XCR1: variants seen among roughly 807,000 people sequenced by gnomAD.
XCR1 encodes the protein X-C motif chemokine receptor 1, also known as chemokine XC receptor 1.
For synonymous variants in XCR1, 187 were observed against 188.5 expected (o/e 0.99, Z 0.06); for missense variants, 356 against 424.2 (o/e 0.84, Z 1.41).
chr3:46,043,966 A>C (rs573886415), intron 5 of XCR1, among the ~76,000 whole-genome samples: 2 of 152,038 alleles, frequency 1.3e-5, no homozygotes, highest in African/African-American at 2.4e-5. Flanking sequence ...GTGGGTATGA[A>C]GTGGTACCCC....
At chr3:46,085,086 C>T (rs1227695849) in intron 1 of XCR1, among the ~76,000 whole-genome samples, 1 of 151,998 alleles carries the variant, frequency 6.6e-6, no homozygotes, top group Admixed American at 6.6e-5. Context: ...ATTTTGTGCT[C>T]AGCTTCTTCA....
At chr3:46,023,023 C>T (rs965275066) in intron 1 of XCR1, among the ~76,000 whole-genome samples, 4 of 152,108 alleles carry the variant, frequency 2.6e-5, no homozygotes, top group Non-Finnish European at 5.9e-5. Context: ...TATAAAAGAC[C>T]CAAAAGGAAT....
At chr3:46,022,178 A>G (rs962700251) in intron 1 of XCR1, 200 bp from the exon 2 acceptor site, 2 of 481,084 alleles carry the variant, frequency 4.2e-6, no homozygotes, top group Admixed American at 3.8e-5. Flanking sequence ...GCGCATGCCT[A>G]TAGTCCCAGC....
At chr3:46,082,999 C>T (rs1698404020) in intron 1 of XCR1, among the ~76,000 whole-genome samples, 1 of 152,332 alleles carries the variant, frequency 6.6e-6, no homozygotes, top group Admixed American at 6.5e-5. Context: ...ACTTGTAACA[C>T]AACTCAGGGC....
intron 1 of XCR1, chr3:46,023,777 C>T: frequency 6.5e-7 from 1 of 1,543,290 alleles, no homozygotes; most frequent in South Asian, 1.1e-5. Flanking sequence ...AGCAAAGCCC[C>T]AGAAGATGAT....
intron 5 of XCR1, among the ~76,000 whole-genome samples, chr3:46,047,711 A>G (rs1697661239): frequency 2.0e-5 from 3 of 152,224 alleles, no homozygotes; most frequent in African/African-American, 7.2e-5. Context: ...CTCCATGCCA[A>G]GCAATCTGGG....
chr3:46,080,957 A>AC lies in XCR1; in HGVS notation c.-514-4032dup, dbSNP rs533308886. ...GGACCCTTTGATATATGGCAATTGG[A>AC]CTTTATCCAGCTGCCCCTGTCTCAG... On this transcript the variant is annotated intron_variant, in intron 1 of 5. Coordinates refer to the XCR1 transcript ENST00000683768. Among the ~76,000 whole-genome samples, 11 of 152,262 alleles carry AC rather than the reference A, an allele frequency of 7.2e-5. No homozygotes were observed. The East Asian group carries it at 2.1e-3, about 29-fold the overall frequency.
intron 3 of XCR1, among the ~76,000 whole-genome samples, chr3:46,068,817 T>C (rs1698119525): frequency 6.6e-6 from 1 of 152,162 alleles, no homozygotes; most frequent in Non-Finnish European, 1.5e-5. Context: ...TGGTTTCTTA[T>C]ATATTTTCAT....
intron 5 of XCR1, among the ~76,000 whole-genome samples, chr3:46,037,496 G>A (rs1697450788): frequency 6.6e-6 from 1 of 151,964 alleles, no homozygotes. Context: ...AAAATGACTA[G>A]TTATTTAAAA....
chr3:46,028,250 A>G (rs1708336305), upstream of XCR1, among the ~76,000 whole-genome samples: 2 of 152,076 alleles, frequency 1.3e-5, no homozygotes, highest in South Asian at 2.1e-4. Context: ...AAAGAGCTGT[A>G]ACACTCCCTC....
rs1708125112 is a variant in XCR1 at position 46,020,871 on chromosome 3, T to C, written c.*75A>G. On this transcript the variant is annotated 3_prime_UTR_variant, in exon 2 of 2. Coordinates refer to ENST00000309285, the MANE Select transcript of XCR1 (RefSeq NM_001024644.2). ...CCCTGCTGTGTTCTGCAATGCTCCT[T>C]CCAGGCCCGCTTCTCCATGACCCCC... 2.0e-6 allele frequency: 3 copies of C among 1,535,242 alleles called. No individual in the cohort carries two copies. The highest frequency in any genetic ancestry group is 2.6e-6 in the Non-Finnish European group (3 of 1,144,102).
At chr3:46,023,198 C>T (rs1296371157) in intron 1 of XCR1, 1 of 487,016 alleles carries the variant, frequency 2.1e-6, no homozygotes, top group Non-Finnish European at 3.6e-6. Context: ...TTGTTGCTCC[C>T]TCTGCGCCCA....
At chr3:46,051,851 T>C (rs4314213) in intron 5 of XCR1, among the ~76,000 whole-genome samples, 73,399 of 151,866 alleles carry the variant, frequency 0.48, 20,469 homozygotes, top group African/African-American at 0.78. Flanking sequence ...ACGGTGAAAC[T>C]GTGTCTCTAC....
chr3:46,021,919 G>T lies in XCR1; in HGVS notation c.29C>A (p.Thr10Asn). The change falls in exon 2 of 2, where the codon ACC becomes AAC. Residue 10 changes from threonine to asparagine, a missense_variant. Thr to Asn is a moderately conservative substitution (Grantham distance 65, BLOSUM62 0). Transcript: ENST00000309285. The surrounding 1 kb of genome is among the most constrained non-coding windows in gnomAD (Gnocchi z 4.7). Reference protein sequence around the residue: MESSGNPESTTFFYYDLQSQ... With the variant: MESSGNPESNTFFYYDLQSQ... Reference sequence around the variant, plus strand: ...CTGAAGGTCATAGTAAAAAAAGGTGGTGCTCTCTGGGTTGCCTGAGGACTC... The same window carrying T: ...CTGAAGGTCATAGTAAAAAAAGGTGTTGCTCTCTGGGTTGCCTGAGGACTC... 6.2e-7 allele frequency: 1 copy of T among 1,613,580 alleles called. No individual in the cohort carries two copies. The highest frequency in any genetic ancestry group is 1.1e-5 in the South Asian group (1 of 90,972).
At chr3:46,082,335 A>C (rs538101422) in intron 1 of XCR1, among the ~76,000 whole-genome samples, 3 of 152,104 alleles carry the variant, frequency 2.0e-5, no homozygotes, top group South Asian at 4.2e-4. Context: ...CCATACTGTG[A>C]GTATCCTCTC....
At chr3:46,082,885 A>G (rs1302453902) in intron 1 of XCR1, among the ~76,000 whole-genome samples, 1 of 152,178 alleles carries the variant, frequency 6.6e-6, no homozygotes, top group Non-Finnish European at 1.5e-5. Flanking sequence ...ACTGCTGGAA[A>G]TCTGAAGAGA....
chr3:46,063,593 G>A (rs895254447), intron 4 of XCR1, among the ~76,000 whole-genome samples: 1 of 152,138 alleles, frequency 6.6e-6, no homozygotes, highest in African/African-American at 2.4e-5. Flanking sequence ...AAGGTGGAAG[G>A]TGGATCTACA....
At chr3:46,052,101 T>C (rs914280514) in intron 5 of XCR1, among the ~76,000 whole-genome samples, 14 of 152,198 alleles carry the variant, frequency 9.2e-5, no homozygotes, top group Admixed American at 2.6e-4. Context: ...ACTACAGTAA[T>C]GCCTTGCAAG....
chr3:46,052,343 G>C (rs1273374757), intron 5 of XCR1, among the ~76,000 whole-genome samples: 1 of 152,160 alleles, frequency 6.6e-6, no homozygotes, highest in Non-Finnish European at 1.5e-5. Context: ...CTGATTGTTT[G>C]TGGGGCCCGG....
Sources: gnomAD v4.1 joint callset for allele counts (sites outside exome capture counted in the v4.1 genomes callset) on GRCh38, gnomAD v4.1.1 for gene constraint, Gnocchi (gnomAD v3.1) non-coding constraint, MANE v1.5 for transcripts, NCBI Gene and HGNC (gene_info 2026-07-23, HGNC 2026-07-21) for gene names.